The following AUTS2 variants were observed in gnomAD, a reference collection of about 807,000 sequenced individuals.
AUTS2 encodes activator of transcription and developmental regulator AUTS2, also known as autism susceptibility gene 2 protein.
In AUTS2, 17 loss-of-function variants were observed where a neutral mutation model predicts 112.4. That is an observed-to-expected ratio of 0.15 (90% CI 0.10 to 0.23). The LOEUF (loss-of-function observed/expected upper bound fraction) is 0.23. AUTS2 is among the 10% of genes least tolerant of loss of function. The pLI is 1.00. For synonymous variants in AUTS2, 751 were observed against 702.7 expected (o/e 1.07, Z -1.09); for missense variants, 1,510 against 1,701.6 (o/e 0.89, Z 1.98).
At chr7:70,476,052 A>G (rs867506966) in intron 5 of AUTS2, among the ~76,000 whole-genome samples, 2 of 152,160 alleles carry the variant, frequency 1.3e-5, no homozygotes, top group African/African-American at 2.4e-5. Context: ...AAGATAAAAA[A>G]AGCAACCAGT....
intron 5 of AUTS2, among the ~76,000 whole-genome samples, chr7:70,669,644 T>C (rs972500185): frequency 2.6e-5 from 4 of 152,236 alleles, no homozygotes; most frequent in Non-Finnish European, 4.4e-5. Flanking sequence ...CTGCACATAA[T>C]TATTTCTTTT....
intron 2 of AUTS2, among the ~76,000 whole-genome samples, chr7:69,902,239 T>C (rs1041225548): frequency 6.6e-6 from 1 of 152,202 alleles, no homozygotes; most frequent in Non-Finnish European, 1.5e-5. Flanking sequence ...GAGTGTTTAA[T>C]GACCATAGTA....
intron 1 of AUTS2, among the ~76,000 whole-genome samples, chr7:69,896,526 C>T (rs1794748729): frequency 6.6e-6 from 1 of 151,960 alleles, no homozygotes; most frequent in South Asian, 2.1e-4. Flanking sequence ...TGTATACCAG[C>T]AGTGCACACT....
chr7:69,786,556 A>C (rs762543806), intron 1 of AUTS2, among the ~76,000 whole-genome samples: 4 of 152,172 alleles, frequency 2.6e-5, no homozygotes, highest in Non-Finnish European at 5.9e-5. Flanking sequence ...TTTCACTCTA[A>C]ATCTTGCTGC....
At chr7:69,699,148 T>G (rs1188610949) in intron 1 of AUTS2, among the ~76,000 whole-genome samples, 2 of 152,186 alleles carry the variant, frequency 1.3e-5, no homozygotes, top group African/African-American at 2.4e-5. Context: ...CAAAGATTGA[T>G]CCTGTCATTC....
chr7:70,094,264 G>C (rs1804073419), intron 2 of AUTS2, among the ~76,000 whole-genome samples: 1 of 152,214 alleles, frequency 6.6e-6, no homozygotes, highest in African/African-American at 2.4e-5. Context: ...CTGCATGCTT[G>C]TTGCATTTTG....
chr7:69,694,747 G>A (rs556385402), intron 1 of AUTS2, among the ~76,000 whole-genome samples: 2 of 152,268 alleles, frequency 1.3e-5, no homozygotes, highest in East Asian at 1.9e-4. Flanking sequence ...GTTGTAATGC[G>A]GACCCTCAAA....
chr7:69,733,996 C>A (rs575939514), intron 1 of AUTS2, among the ~76,000 whole-genome samples: 1 of 152,110 alleles, frequency 6.6e-6, no homozygotes, highest in South Asian at 2.1e-4. Context: ...TCATTACCAC[C>A]GAGGATTTAT....
chr7:70,366,987 G>A (rs886757010), intron 4 of AUTS2, among the ~76,000 whole-genome samples: 4 of 152,144 alleles, frequency 2.6e-5, no homozygotes, highest in Non-Finnish European at 5.9e-5. Flanking sequence ...GTTAGGATTA[G>A]AAATACTGAT....
At chr7:70,043,772 T>G (rs35222730) in intron 2 of AUTS2, among the ~76,000 whole-genome samples, 55,605 of 151,444 alleles carry the variant, frequency 0.37, 10,708 homozygotes, top group African/African-American at 0.48. Flanking sequence ...ACCACGTGCG[T>G]CTAATTTTGT....
intron 4 of AUTS2, among the ~76,000 whole-genome samples, chr7:70,135,807 C>T (rs1584774840): frequency 2.6e-5 from 4 of 152,254 alleles, no homozygotes; most frequent in Admixed American, 2.6e-4. Flanking sequence ...TATCCTGCTT[C>T]AGCAGTCGAA....
intron 4 of AUTS2, among the ~76,000 whole-genome samples, chr7:70,421,788 A>G (rs1795234346): frequency 6.6e-6 from 1 of 152,250 alleles, no homozygotes; most frequent in Admixed American, 6.5e-5. Flanking sequence ...TAATTGCAGC[A>G]TTCAGAAAAA....
chr7:69,764,374 G>T (rs907180533), intron 1 of AUTS2, among the ~76,000 whole-genome samples: 3 of 151,850 alleles, frequency 2.0e-5, no homozygotes. Context: ...TTGTTCTAGA[G>T]AGTTTTTTTT....
intron 1 of AUTS2, among the ~76,000 whole-genome samples, chr7:69,696,191 G>A (rs1309135875): frequency 6.6e-6 from 1 of 152,168 alleles, no homozygotes; most frequent in Non-Finnish European, 1.5e-5. Flanking sequence ...GTTAGCCTCG[G>A]TGCACCTCTA....
chr7:70,444,392 G>GAGAA (rs1796241521), intron 5 of AUTS2, among the ~76,000 whole-genome samples: 1 of 150,992 alleles, frequency 6.6e-6, no homozygotes, highest in African/African-American at 2.4e-5. Flanking sequence ...GAGAGAGAGA[G>GAGAA]AAAGAGTTAA....
chr7:69,769,635 C>A (rs1788577492), intron 1 of AUTS2, among the ~76,000 whole-genome samples: 1 of 152,126 alleles, frequency 6.6e-6, no homozygotes, highest in South Asian at 2.1e-4. Context: ...TGGCTGCTGC[C>A]TTTATTGTCT....
intron 1 of AUTS2, among the ~76,000 whole-genome samples, chr7:69,601,418 T>G (rs1042120512): frequency 2.0e-5 from 3 of 152,202 alleles, no homozygotes; most frequent in African/African-American, 7.2e-5. Context: ...TTTATGTGTT[T>G]GGGTGTCAGC....
chr7:69,845,927 C>A (rs1472011280), intron 1 of AUTS2, among the ~76,000 whole-genome samples: 1 of 152,164 alleles, frequency 6.6e-6, no homozygotes, highest in African/African-American at 2.4e-5. Flanking sequence ...TGGTTCTGGG[C>A]AGCCACTTGA....
intron 5 of AUTS2, among the ~76,000 whole-genome samples, chr7:70,490,120 G>A (rs983810041): frequency 7.2e-5 from 11 of 151,790 alleles, no homozygotes; most frequent in Non-Finnish European, 2.9e-5. Flanking sequence ...TGAGGAGGTA[G>A]GAACCGAAGA....
Sources: gnomAD v4.1 joint callset for allele counts (sites outside exome capture counted in the v4.1 genomes callset) on GRCh38, gnomAD v4.1.1 for gene constraint, MANE v1.5 for transcripts, NCBI Gene and HGNC (gene_info 2026-07-23, HGNC 2026-07-21) for gene names.